The following RSAD2 variants were observed in gnomAD, a reference collection of about 807,000 sequenced individuals.
RSAD2 encodes S-adenosylmethionine-dependent nucleotide dehydratase RSAD2.
RSAD2 carries 38 observed loss-of-function variants against 37.7 expected under a neutral mutation model. The observed-to-expected ratio is 1.01, with a 90% confidence interval of 0.78 to 1.32. The LOEUF (loss-of-function observed/expected upper bound fraction) is 1.32. RSAD2 is among the 40% of genes most tolerant of loss of function. RSAD2 has a pLI of 0.00. For missense variants in RSAD2, 428 were observed against 437.5 expected (o/e 0.98, Z 0.19); for synonymous variants, 163 against 157.4 (o/e 1.04, Z -0.27).
intron 1 of RSAD2, among the ~76,000 whole-genome samples, chr2:6,870,733 G>A (rs1475908259): frequency 1.3e-5 from 2 of 152,108 alleles, no homozygotes; most frequent in African/African-American, 4.8e-5. Flanking sequence ...GTTGGCCCAG[G>A]GTTTAGCAAG....
At chr2:6,891,792 A>G (rs1013381929) in intron 4 of RSAD2, among the ~76,000 whole-genome samples, 8 of 151,210 alleles carry the variant, frequency 5.3e-5, no homozygotes, top group African/African-American at 2.0e-4. Context: ...AAAAAGAATA[A>G]TACCAAAAAA....
upstream of RSAD2, among the ~76,000 whole-genome samples, chr2:6,874,951 T>C (rs1431395216): frequency 6.6e-6 from 1 of 152,162 alleles, no homozygotes; most frequent in Non-Finnish European, 1.5e-5. Flanking sequence ...TTAAGAAGGG[T>C]CATCACATGC....
chr2:6,872,010 TATC>T (rs1663211546), intron 1 of RSAD2, among the ~76,000 whole-genome samples: 1 of 152,212 alleles, frequency 6.6e-6, no homozygotes, highest in South Asian at 2.1e-4. Flanking sequence ...TTGCCTGAAG[TATC>T]ATGAAATTTT....
intron 1 of RSAD2, among the ~76,000 whole-genome samples, chr2:6,872,462 A>T (rs998527658): frequency 6.6e-6 from 1 of 152,174 alleles, no homozygotes; most frequent in African/African-American, 2.4e-5. Context: ...TAGTATGGTG[A>T]TTAAAGTGTG....
upstream of RSAD2, chr2:6,877,544 TA>T (rs1023267373): frequency 2.0e-6 from 1 of 507,384 alleles, no homozygotes; most frequent in African/African-American, 1.9e-5. Flanking sequence ...GAGACTGTTA[TA>T]ATACAAGTGG....
At chr2:6,893,503 G>A (rs569106463) in intron 4 of RSAD2, among the ~76,000 whole-genome samples, 168 bp from the exon 5 acceptor site, 1 of 152,272 alleles carries the variant, frequency 6.6e-6, no homozygotes, top group East Asian at 1.9e-4. Flanking sequence ...AAAACCGAAT[G>A]CACACAAACA....
chr2:6,874,488 A>G (rs560445824), upstream of RSAD2, among the ~76,000 whole-genome samples: 5 of 152,330 alleles, frequency 3.3e-5, no homozygotes, highest in African/African-American at 1.2e-4. Context: ...ATTTCCTTGT[A>G]AACTCTCATC....
Position 6,886,975 on chromosome 2 carries a change from T to G in RSAD2, c.549T>G (p.Phe183Leu). Residue 183 changes from phenylalanine (F) to leucine (L), a missense_variant, in exon 3 of 6, where the codon TTT becomes TTG. By Grantham distance (22) the Phe-to-Leu change is conservative. Transcript: ENST00000382040. ...LDILAISCDS[F>L]DEEVNVLIGR... ...TTCTCGCTATCTCCTGTGACAGCTT[T>G]GACGAGGAAGTCAATGTCCTTATTG... 6.2e-7 allele frequency: 1 copy of G among 1,614,218 alleles called. No individual in the cohort carries two copies. The highest frequency in any genetic ancestry group is 1.1e-5 in the South Asian group (1 of 91,088).
In RSAD2 at chr2:6,877,905, G is replaced by A. The variant is rs759101072; in HGVS notation, c.105G>A (p.Leu35=). Residue 35 remains leucine (L), a synonymous_variant, in exon 1 of 6, where the codon CTG becomes CTA. Coordinates refer to ENST00000382040, the MANE Select transcript of RSAD2 (RefSeq NM_080657.5). ...WRSLVPLFCW[L]RATFWLLATK... Reference sequence around the variant, plus strand: ...GCCTGGTCCCGCTGTTCTGCTGGCTGAGGGCAACCTTCTGGCTGCTAGCTA... The same window carrying A: ...GCCTGGTCCCGCTGTTCTGCTGGCTAAGGGCAACCTTCTGGCTGCTAGCTA... 2 of 1,614,022 alleles carry A rather than the reference G, an allele frequency of 1.2e-6. No individual in the cohort carries two copies. The highest frequency in any genetic ancestry group is 1.7e-5 in the Admixed American group (1 of 59,994).
Position 6,885,140 on chromosome 2 carries a change from G to A in RSAD2, c.508+1608G>A, listed in dbSNP as rs575707277. Among the ~76,000 whole-genome samples, 304 of 152,300 alleles carry A rather than the reference G, an allele frequency of 2.0e-3. 2 individuals are homozygous for A. The highest frequency in any genetic ancestry group is 7.0e-3 in the African/African-American group (291 of 41,560). The stretch of plus-strand genomic sequence containing the variant: ...GAATAAAGGATACAGAACAGAAACA[G>A]CAGGGTAAAGACATATATCACCAGA... On this transcript the variant is annotated intron_variant, in intron 2 of 5. Transcript: ENST00000382040.
At chr2:6,879,162 G>A in intron 1 of RSAD2, 1 of 433,138 alleles carries the variant, frequency 2.3e-6, no homozygotes, top group South Asian at 1.6e-5. Context: ...CGTTACATTG[G>A]CTTAGTTACC....
At chr2:6,880,074 T>A (rs1439985182) in intron 1 of RSAD2, among the ~76,000 whole-genome samples, 1 of 152,118 alleles carries the variant, frequency 6.6e-6, no homozygotes, top group Non-Finnish European at 1.5e-5. Flanking sequence ...TAGTTATAAT[T>A]AATACTTTTA....
chr2:6,878,285 A>C (rs1663328563), intron 1 of RSAD2, 139 bp downstream of exon 1: 1 of 679,712 alleles, frequency 1.5e-6, no homozygotes, highest in African/African-American at 1.8e-5. Flanking sequence ...CATGGTGAGC[A>C]TGTTGTCCTA....
At chr2:6,894,651 G>A (rs567695667) in intron 5 of RSAD2, among the ~76,000 whole-genome samples, 13 of 152,130 alleles carry the variant, frequency 8.5e-5, no homozygotes, top group African/African-American at 3.1e-4. Context: ...TGTATTTTTT[G>A]TAGAGATTGG....
intron 4 of RSAD2, among the ~76,000 whole-genome samples, chr2:6,891,869 G>T (rs147485953): frequency 9.2e-5 from 14 of 152,260 alleles, no homozygotes; most frequent in African/African-American, 3.1e-4. Flanking sequence ...AGAATGAAAT[G>T]TTACACTGAC....
At chr2:6,894,676 C>T (rs536623682) in intron 5 of RSAD2, among the ~76,000 whole-genome samples, 25 of 152,274 alleles carry the variant, frequency 1.6e-4, no homozygotes, top group African/African-American at 5.3e-4. Flanking sequence ...TGCCATGTTG[C>T]CCATGCTGGC....
In RSAD2 at chr2:6,887,071, A is replaced by G. The variant is rs751030224; in HGVS notation, c.645A>G (p.Arg215=). 5 of 1,614,038 alleles carry G rather than the reference A, an allele frequency of 3.1e-6. No individual in the cohort carries two copies. In the African/African-American group the frequency reaches 4.0e-5, roughly 13 times the overall value. The change falls in exon 3 of 6, where the codon AGA becomes AGG. Residue 215 remains arginine (R), a synonymous_variant. Transcript: ENST00000382040. The part of the protein sequence containing the change: ...QKLRRWCRDY[R]VAFKINSVIN... ...TGAGGAGGTGGTGTAGGGATTATAG[A>G]GTCGCTTTCAAGATAAATTCTGTCA...
intron 1 of RSAD2, among the ~76,000 whole-genome samples, chr2:6,869,245 C>T (rs1296182820): frequency 6.6e-6 from 1 of 152,182 alleles, no homozygotes; most frequent in Non-Finnish European, 1.5e-5. Context: ...TGTTCTTGCT[C>T]TACAGCCTTT....
rs1257403354 is a variant in RSAD2, at chr2:6,869,397, AT to A, written c.142+3355del. Among the ~76,000 whole-genome samples the A allele has an allele frequency of 5.0e-5, 7 of 138,864 alleles. No individual in the cohort carries two copies. The East Asian group carries it at 8.6e-4, about 17-fold the overall frequency. 91.1% of individuals were successfully genotyped at this position (138,864 alleles called of 152,430 possible). Reference sequence around the variant, plus strand: ...ACACACTCATGAAAAGAAAAAAAAAATTTCCAAGATTAGAGCCCACTCTTAT... The same window carrying A: ...ACACACTCATGAAAAGAAAAAAAAAATTCCAAGATTAGAGCCCACTCTTAT... On this transcript the variant is annotated intron_variant, in intron 1 of 5. Transcript: ENST00000442639.
Sources: allele counts gnomAD v4.1 joint callset (sites outside exome capture counted in the v4.1 genomes callset), GRCh38; gene constraint gnomAD v4.1.1; transcripts MANE v1.5; gene names NCBI Gene and HGNC (gene_info 2026-07-23, HGNC 2026-07-21).